The following THADA variants were observed in gnomAD, a reference collection of about 807,000 sequenced individuals.
THADA encodes the protein THADA armadillo repeat containing.
Under a neutral mutation model 219.8 loss-of-function variants are expected in THADA, and 213 were observed. The ratio of observed to expected loss-of-function variants is 0.97; its 90% confidence interval spans 0.87 to 1.09. The LOEUF is 1.09. Ranked by LOEUF, THADA falls within the 50% of genes least tolerant of loss-of-function variation. The pLI is 0.00. For missense variants in THADA, 2,956 were observed against 2,311.3 expected, an observed-to-expected ratio of 1.28 and a Z score of -5.72; for synonymous variants, 1,018 against 828.9, an observed-to-expected ratio of 1.23 and a Z score of -3.92.
At chr2:43,398,495 C>A (rs1041650822) in intron 28 of THADA, among the ~76,000 whole-genome samples, 3 of 152,146 alleles carry the variant, frequency 2.0e-5, no homozygotes, top group Non-Finnish European at 4.4e-5. Context: ...AAGACAGTCA[C>A]CATTGTCTTT....
chr2:43,538,392 T>C (rs2103797241), intron 21 of THADA: 1 of 152,316 alleles, frequency 6.6e-6, no homozygotes, highest in Middle Eastern at 3.4e-3. Flanking sequence ...GAACCTTTCA[T>C]TATGTGATTA....
intron 22 of THADA, among the ~76,000 whole-genome samples, chr2:43,524,060 T>C (rs895626107): frequency 1.3e-5 from 2 of 152,226 alleles, no homozygotes; most frequent in African/African-American, 4.8e-5. Context: ...TTTTATGACA[T>C]TAACAAACTT....
intron 29 of THADA, among the ~76,000 whole-genome samples, chr2:43,379,468 A>G (rs1429036224): frequency 6.6e-6 from 1 of 152,196 alleles, no homozygotes; most frequent in Non-Finnish European, 1.5e-5. Context: ...ACTAAAAGAC[A>G]AGAACTATAA....
In THADA at chr2:43,231,242, T is replaced by A; in HGVS notation, c.5568A>T (p.Ser1856=). ...YLCKHLFCLL[S]KSGWRPPSPE... is the part of the protein sequence containing the mutation. ...GGCTTGGGGGACGCCAGCCGGACTT[T>A]GAGAGGAGACAGAAGAGGTGCTTGC... Residue 1856 remains serine, a synonymous_variant, in exon 38 of 38, where the codon TCA becomes TCT. Transcript: ENST00000405975. 2 of 1,613,694 alleles carry A rather than the reference T, an allele frequency of 1.2e-6. No homozygotes were observed. The highest frequency in any genetic ancestry group is 1.7e-6 in the Non-Finnish European group (2 of 1,179,776).
At chr2:43,488,291 AAT>A (rs2105022984) in intron 25 of THADA, among the ~76,000 whole-genome samples, 1 of 152,330 alleles carries the variant, frequency 6.6e-6, no homozygotes, top group East Asian at 1.9e-4. Flanking sequence ...CAAATTCCAC[AAT>A]ATTTTCATTA....
intron 7 of THADA, among the ~76,000 whole-genome samples, chr2:43,582,279 T>C (rs1700540401): frequency 6.6e-6 from 1 of 152,070 alleles, no homozygotes; most frequent in Admixed American, 6.5e-5. Flanking sequence ...GGTAGATCAT[T>C]TGAGGTCTGG....
At chr2:43,252,994 T>C (rs1179518843) in intron 36 of THADA, among the ~76,000 whole-genome samples, 1 of 152,212 alleles carries the variant, frequency 6.6e-6, no homozygotes, top group African/African-American at 2.4e-5. Flanking sequence ...TAACCACTCA[T>C]TCTTGACTTC....
chr2:43,344,805 G>C (rs2104539412), intron 29 of THADA, among the ~76,000 whole-genome samples: 1 of 151,778 alleles, frequency 6.6e-6, no homozygotes, highest in Middle Eastern at 3.4e-3. Context: ...TCGATGTCAG[G>C]AGTGAATGCA....
intron 28 of THADA, among the ~76,000 whole-genome samples, chr2:43,403,869 T>C (rs954279291): frequency 2.6e-5 from 4 of 151,886 alleles, no homozygotes; most frequent in African/African-American, 9.7e-5. Flanking sequence ...TACTCAAGAA[T>C]GCCAGCCATG....
chr2:43,343,794 A>G (rs1667322731), intron 30 of THADA: 1 of 230,050 alleles, frequency 4.3e-6, no homozygotes, highest in Admixed American at 5.0e-5. Flanking sequence ...AGTCTGTACC[A>G]CATGATTTAG....
At chr2:43,301,041 T>G (rs1237589455) in intron 31 of THADA, among the ~76,000 whole-genome samples, 1 of 152,138 alleles carries the variant, frequency 6.6e-6, no homozygotes, top group East Asian at 1.9e-4. Context: ...CATGCCTGAA[T>G]CCCACTCTTG....
intron 30 of THADA, among the ~76,000 whole-genome samples, chr2:43,322,838 G>A (rs1026017428): frequency 7.9e-5 from 12 of 151,084 alleles, no homozygotes; most frequent in African/African-American, 2.2e-4. Context: ...GGCGCCCGCC[G>A]CCACGCCCGG....
chr2:43,440,577 G>T (rs1680726815), intron 26 of THADA, among the ~76,000 whole-genome samples: 1 of 152,170 alleles, frequency 6.6e-6, no homozygotes, highest in Non-Finnish European at 1.5e-5. Flanking sequence ...TCTGTGAAGA[G>T]AAGTCACTTA....
chr2:43,435,705 C>A (rs1234145666), intron 26 of THADA, among the ~76,000 whole-genome samples: 1 of 150,166 alleles, frequency 6.7e-6, no homozygotes, highest in Non-Finnish European at 1.5e-5. Context: ...ATCGCTTGAA[C>A]CTGGGAGGCA....
chr2:43,348,606 A>G (rs1211076693), intron 29 of THADA, among the ~76,000 whole-genome samples: 2 of 152,158 alleles, frequency 1.3e-5, no homozygotes, highest in African/African-American at 4.8e-5. Flanking sequence ...GAAGGAGAGG[A>G]AAGGATACAT....
chr2:43,541,213 A>C lies in THADA; in HGVS notation c.3210T>G (p.Leu1070=), dbSNP rs181440554. The change falls in exon 21 of 38, where the codon CTT becomes CTG. Residue 1070 remains leucine, a synonymous_variant. Coordinates refer to ENST00000405975, the MANE Select transcript of THADA (RefSeq NM_022065.5). ...VALLLGMLCQ[L]LPMQPVPESS... is the part of the protein sequence containing the mutation. ...ATTCTGGCACAGGCTGCATGGGCAG[A>C]AGCTGGCACAACATGCCTAAAAGTA... is the stretch of plus-strand genomic sequence containing the variant. 142 of 1,610,308 alleles carry C rather than the reference A, an allele frequency of 8.8e-5. No individual in the cohort carries two copies. Among genetic ancestry groups the C allele is most frequent in the Non-Finnish European group, 1.1e-4 (133 of 1,178,566 alleles).
At chr2:43,293,899 G>C (rs1675045736) in intron 31 of THADA, among the ~76,000 whole-genome samples, 2 of 152,172 alleles carry the variant, frequency 1.3e-5, no homozygotes, top group Admixed American at 6.5e-5. Context: ...CAATAGGCTG[G>C]ATCACAAATC....
chr2:43,263,051 A>C (rs1221364567), intron 36 of THADA, among the ~76,000 whole-genome samples: 2 of 152,152 alleles, frequency 1.3e-5, no homozygotes, highest in African/African-American at 2.4e-5. Context: ...TCTGGTCCCT[A>C]TCTACCTTTA....
chr2:43,517,471 T>C (rs943191302), intron 22 of THADA, among the ~76,000 whole-genome samples: 6 of 152,162 alleles, frequency 3.9e-5, no homozygotes, highest in Non-Finnish European at 7.4e-5. Flanking sequence ...AACAATAGTT[T>C]ACTTACAAAG....
Sources: allele counts gnomAD v4.1 joint callset (sites outside exome capture counted in the v4.1 genomes callset), GRCh38; gene constraint gnomAD v4.1.1; transcripts MANE v1.5; gene names NCBI Gene and HGNC (gene_info 2026-07-23, HGNC 2026-07-21).